NUP98: variants seen among roughly 807,000 people sequenced by gnomAD.
NUP98 encodes the protein nucleoporin 98 and 96 precursor.
Under a neutral mutation model 191.9 loss-of-function variants are expected in NUP98, and 26 were observed. The observed-to-expected ratio is 0.14, with a 90% CI of 0.10 to 0.19. The LOEUF is 0.19. NUP98 is among the 10% of genes least tolerant of loss of function. The pLI is 1.00. For missense variants in NUP98, 1,941 were observed against 2,178.8 expected (o/e 0.89, Z 2.17); for synonymous variants, 808 against 778.4 (o/e 1.04, Z -0.63).
intron 29 of NUP98, among the ~76,000 whole-genome samples, chr11:3,685,766 T>C (rs1564803880): frequency 6.6e-6 from 1 of 152,230 alleles, no homozygotes; most frequent in Admixed American, 6.5e-5. Context: ...TGGCACTTAA[T>C]CAAAGGAAGT....
chr11:3,676,539 A>G lies in NUP98; in HGVS notation c.5155T>C (p.Tyr1719His). Residue 1719 changes from tyrosine to histidine, a missense_variant, in exon 32 of 33, where the codon TAC becomes CAC. By Grantham distance (83) the Tyr-to-His change is moderately conservative. This residue lies in a region of NUP98 where 1,030 missense variants were observed against 1,115.8 expected (regional missense o/e 0.92). Transcript: ENST00000324932. ...LCSRIEQIQC[Y>H]SAKDRLAQSD... ...TGAGCCAGGCGATCTTTAGCACTGT[A>G]ACACTGAATCTGCTCTATCCGACTG... 1 of 1,614,188 alleles carries G rather than the reference A, an allele frequency of 6.2e-7. No individual in the cohort carries two copies. Among genetic ancestry groups the G allele is most frequent in the Non-Finnish European group, 8.5e-7 (1 of 1,180,006 alleles).
chr11:3,707,889 T>G (rs1423059566), intron 20 of NUP98, among the ~76,000 whole-genome samples: 1 of 151,954 alleles, frequency 6.6e-6, no homozygotes, highest in Non-Finnish European at 1.5e-5. Flanking sequence ...TCACCTGAGG[T>G]CAGGAGTTCG....
At chr11:3,713,340 C>T (rs1334216249) in intron 19 of NUP98, among the ~76,000 whole-genome samples, 3 of 152,170 alleles carry the variant, frequency 2.0e-5, no homozygotes, top group Non-Finnish European at 4.4e-5. Context: ...TTTGTAAGAA[C>T]TCATTACTGC....
At chr11:3,781,429 G>T (rs1415729515) in intron 2 of NUP98, 1 of 148,974 alleles carries the variant, frequency 6.7e-6, no homozygotes, top group Non-Finnish European at 1.5e-5. Flanking sequence ...TGTCTAGCAG[G>T]GTTTCTGGTT....
intron 30 of NUP98, among the ~76,000 whole-genome samples, chr11:3,680,786 G>A (rs563603904): frequency 6.6e-6 from 1 of 152,228 alleles, no homozygotes; most frequent in Non-Finnish European, 1.5e-5. Context: ...GAGCTCAAGA[G>A]ATCCACTCAT....
intron 30 of NUP98, among the ~76,000 whole-genome samples, chr11:3,682,438 A>C (rs1419865411): frequency 6.6e-6 from 1 of 152,132 alleles, no homozygotes; most frequent in East Asian, 1.9e-4. Context: ...CTTTCACTTG[A>C]ACATATTTAG....
intron 11 of NUP98, among the ~76,000 whole-genome samples, chr11:3,753,084 A>G (rs1391038576): frequency 6.6e-6 from 1 of 152,214 alleles, no homozygotes; most frequent in Non-Finnish European, 1.5e-5. Flanking sequence ...AAAGACCAGG[A>G]CTATCAGAGG....
chr11:3,723,786 GA>G lies in NUP98; in HGVS notation c.1848-332del, dbSNP rs200726138. Among the ~76,000 whole-genome samples the G allele has an allele frequency of 8.3e-5, 11 of 133,062 alleles. No homozygotes were observed. In the South Asian group the frequency reaches 1.4e-3, roughly 17 times the overall value. The allele number at this position is 133,062 out of a possible 152,430, so 87.3% of individuals were successfully genotyped here. On this transcript the variant is annotated intron_variant, in intron 15 of 32. Transcript: ENST00000324932. ...AAAAACACTAGAATTTTATCCAAAA[GA>G]AAAAAAAAACAGGAGTACAAAGGTG...
chr11:3,675,967 C>T lies in NUP98; in HGVS notation c.*192G>A. 5.0e-6 allele frequency: 3 copies of T among 594,090 alleles called. No homozygotes were observed. The highest frequency in any genetic ancestry group is 4.5e-4 in the Middle Eastern group (1 of 2,224). 36.8% of individuals were successfully genotyped at this position (594,090 alleles called of 1,614,324 possible). On this transcript the variant is annotated 3_prime_UTR_variant, in exon 33 of 33. Coordinates refer to ENST00000324932, the MANE Select transcript of NUP98 (RefSeq NM_016320.5). ...GTAAACTGTCTCCTCTTCTGGGTTC[C>T]AGAAGCCCTTATGCTACGTTCAGTA...
chr11:3,700,781 G>A lies in NUP98; in HGVS notation c.3571C>T (p.Pro1191Ser). Residue 1191 changes from proline (P) to serine (S), a missense_variant, in exon 24 of 33, where the codon CCA becomes TCA. Transcript: ENST00000324932. Reference protein sequence around the residue: ...LEKLSLRQRKPDEDMKLYQTP... With the variant: ...LEKLSLRQRKSDEDMKLYQTP... ...TGATATAATTTCATGTCTTCATCTGGCTTTCTTTGTCTCAAACTGAGTTTT... is the reference window on the plus strand; with the variant it reads ...TGATATAATTTCATGTCTTCATCTGACTTTCTTTGTCTCAAACTGAGTTTT... The A allele has an allele frequency of 6.2e-7, 1 of 1,614,084 alleles. No homozygotes were observed.
intron 11 of NUP98, among the ~76,000 whole-genome samples, chr11:3,748,313 C>A (rs1375750640): frequency 6.6e-6 from 1 of 152,176 alleles, no homozygotes; most frequent in African/African-American, 2.4e-5. Flanking sequence ...TGCCTGTAAT[C>A]CCAGTACTTT....
chr11:3,688,820 C>CATATATATATATAT lies in NUP98; in HGVS notation c.4454+2513_4454+2526dup, dbSNP rs71041372. Among the ~76,000 whole-genome samples the CATATATATATATAT allele has an allele frequency of 9.2e-3, 1,253 of 136,122 alleles. 4 individuals carry two copies. Among genetic ancestry groups the CATATATATATATAT allele is most frequent in the Middle Eastern group, 0.031 (8 of 262 alleles). The allele number at this position is 136,122 out of a possible 152,430, so 89.3% of individuals were successfully genotyped here. ...AAATATATATATGTATTTAAATATA[C>CATATATATATATAT]ATATATATATATATATATATATTTA... On this transcript the variant is annotated intron_variant, in intron 28 of 32. Transcript: ENST00000324932.
rs765949948 is a variant in NUP98 at position 3,676,247 on chromosome 11, C to T, written c.5315G>A (p.Arg1772Gln). The T allele has an allele frequency of 3.1e-6, 5 of 1,614,038 alleles. No individual in the cohort carries two copies. The highest frequency in any genetic ancestry group is 2.7e-5 in the African/African-American group (2 of 74,914). ...PLRLLAPHIG[R>Q]LPMPEDYAMD... ...GGCATAGTCCTCAGGCATGGGAAGC[C>T]GGCCAATGTGGGGAGCCAAGAGGCG... The change falls in exon 33 of 33, where the codon CGG (arginine) becomes CAG (glutamine). Residue 1772 changes from arginine (R) to glutamine (Q), a missense_variant. This residue lies in a region of NUP98 where 1,030 missense variants were observed against 1,115.8 expected (regional missense o/e 0.92). Coordinates refer to ENST00000324932, the MANE Select transcript of NUP98 (RefSeq NM_016320.5).
At chr11:3,696,026 T>C (rs954398577) in intron 25 of NUP98, among the ~76,000 whole-genome samples, 1 of 151,934 alleles carries the variant, frequency 6.6e-6, no homozygotes, top group Non-Finnish European at 1.5e-5. Flanking sequence ...ACCCCGTCCC[T>C]ACTAAAAATA....
chr11:3,676,587 G>T lies in NUP98; in HGVS notation c.5107C>A (p.His1703Asn), dbSNP rs1266170468. Residue 1703 changes from histidine to asparagine, a missense_variant, in exon 32 of 33, where the codon CAC (histidine) becomes AAC (asparagine). Around this residue, in one of 6 missense-constraint regions of NUP98, gnomAD observed 1,030 missense variants for 1,115.8 expected, o/e 0.92. Transcript: ENST00000324932. ...DCSGNDLEQL[H>N]IKVTSLCSRI... ...CTGCACAGTGAAGTCACTTTGATGT[G>T]TAACTGCTCCAGGTCATTACCTGAG... 6.2e-7 allele frequency: 1 copy of T among 1,614,156 alleles called. No homozygotes were observed. Among genetic ancestry groups the T allele is most frequent in the East Asian group, 2.2e-5 (1 of 44,876 alleles).
intron 11 of NUP98, among the ~76,000 whole-genome samples, chr11:3,752,497 A>T (rs553857097): frequency 6.6e-6 from 1 of 151,942 alleles, no homozygotes; most frequent in Admixed American, 6.6e-5. Context: ...AGCCTGAACG[A>T]CAGAGTGAGA....
chr11:3,732,499 T>C lies in NUP98; in HGVS notation c.1543-921A>G, dbSNP rs527265132. Reference sequence around the variant, plus strand: ...AGAAAAACTGAGATTCTGTCATGAATTAATATTCAACTTCTATGTAATGCA... The same window carrying C: ...AGAAAAACTGAGATTCTGTCATGAACTAATATTCAACTTCTATGTAATGCA... On this transcript the variant is annotated intron_variant, in intron 13 of 32. Coordinates refer to ENST00000324932, the MANE Select transcript of NUP98 (RefSeq NM_016320.5). Among the ~76,000 whole-genome samples, 5 of 152,320 alleles carry C rather than the reference T, an allele frequency of 3.3e-5. No homozygotes were observed. In the East Asian group the frequency reaches 9.6e-4, roughly 29 times the overall value.
intron 14 of NUP98, among the ~76,000 whole-genome samples, chr11:3,727,327 A>G (rs984924857): frequency 6.6e-6 from 1 of 152,076 alleles, no homozygotes; most frequent in African/African-American, 2.4e-5. Context: ...AACCCAGGTG[A>G]GGGTGGGGGG....
chr11:3,693,909 A>G (rs1262620558), intron 26 of NUP98, among the ~76,000 whole-genome samples: 1 of 152,232 alleles, frequency 6.6e-6, no homozygotes, highest in Non-Finnish European at 1.5e-5. Context: ...CCCAACAGCC[A>G]TAAAATGGAA....
Sources: allele counts gnomAD v4.1 joint callset (sites outside exome capture counted in the v4.1 genomes callset), GRCh38; gene constraint gnomAD v4.1.1; regional missense constraint gnomAD v4.1.1; transcripts MANE v1.5; gene names NCBI Gene and HGNC (gene_info 2026-07-23, HGNC 2026-07-21).